Variants in PCNX1 observed in about 807,000 individuals in gnomAD.
The protein encoded by PCNX1 is pecanex-like protein 1.
Under a neutral mutation model 242.2 loss-of-function variants are expected in PCNX1, and 78 were observed. The ratio of observed to expected loss-of-function variants is 0.32; its 90% CI spans 0.27 to 0.39. The LOEUF is 0.39. PCNX1 is among the 10% of genes least tolerant of loss of function. PCNX1 has a pLI of 1.00. For synonymous variants in PCNX1, 1,024 were observed against 1,032.9 expected, an observed-to-expected ratio of 0.99 and a Z score of 0.17; for missense variants, 2,581 against 2,856.5, an observed-to-expected ratio of 0.90 and a Z score of 2.20.
At chr14:70,935,480 G>C (rs1484792642) in intron 1 of PCNX1, among the ~76,000 whole-genome samples, 1 of 152,190 alleles carries the variant, frequency 6.6e-6, no homozygotes, top group Non-Finnish European at 1.5e-5. Context: ...TATAATAGTA[G>C]GGGGAGAGAG....
rs752522469 is a variant in PCNX1 at position 70,978,026 on chromosome 14, C to T, written c.1689C>T (p.Arg563=). The T allele has an allele frequency of 8.7e-6, 14 of 1,613,842 alleles. No individual in the cohort carries two copies. The African/African-American group carries it at 1.2e-4, about 14-fold the overall frequency. The change falls in exon 6 of 36, where the codon CGC becomes CGT. Residue 563 remains arginine (R), a synonymous_variant. Transcript: ENST00000304743. ...TASAHKSGRR[R]TGKKRASSFD... ...CTGCCCACAAGTCAGGCAGGAGACG[C>T]ACAGGAAAAAAACGGGCTAGCAGTT...
intron 30 of PCNX1, among the ~76,000 whole-genome samples, chr14:71,097,537 AT>A (rs2062324853): frequency 6.6e-6 from 1 of 152,052 alleles, no homozygotes; most frequent in Admixed American, 6.5e-5. Context: ...GATTTCTTTG[AT>A]GATTCGTGTT....
intron 1 of PCNX1, among the ~76,000 whole-genome samples, chr14:70,926,353 CT>C (rs1361044081): frequency 6.6e-6 from 1 of 152,200 alleles, no homozygotes; most frequent in Non-Finnish European, 1.5e-5. Flanking sequence ...TCACCTGCTC[CT>C]TCACTCTCGC....
At chr14:71,076,526 C>A in intron 28 of PCNX1, 107 bp downstream of exon 28, 1 of 690,558 alleles carries the variant, frequency 1.4e-6, no homozygotes. Flanking sequence ...CTTCCTCTTT[C>A]TGATCTTCTG....
chr14:70,947,257 A>C, intron 2 of PCNX1, 134 bp downstream of exon 2: 1 of 657,860 alleles, frequency 1.5e-6, no homozygotes, highest in South Asian at 1.9e-5. Flanking sequence ...CTGTAGATAC[A>C]ATGATGGGTA....
At chr14:70,925,102 C>G (rs973319724) in intron 1 of PCNX1, among the ~76,000 whole-genome samples, 2 of 151,974 alleles carry the variant, frequency 1.3e-5, no homozygotes, top group Non-Finnish European at 2.9e-5. Context: ...GATTCTCCTG[C>G]CTCAGACTCC....
intron 1 of PCNX1, among the ~76,000 whole-genome samples, chr14:70,939,721 T>C (rs1031414577): frequency 1.3e-5 from 2 of 152,224 alleles, no homozygotes; most frequent in African/African-American, 4.8e-5. Context: ...TGTCTAATGT[T>C]GACAGTGGGG....
chr14:71,108,747 CG>C lies in PCNX1; in HGVS notation c.6447del (p.Arg2150AlafsTer23). 1.2e-6 allele frequency: 2 copies of C among 1,614,218 alleles called. No homozygotes were observed. The highest frequency in any genetic ancestry group is 1.7e-6 in the Non-Finnish European group (2 of 1,180,032). On this transcript the variant is annotated frameshift_variant, in exon 34 of 36. Transcript: ENST00000304743. LOFTEE classifies it high-confidence loss of function. The stretch of plus-strand genomic sequence containing the variant: ...GTCCACCACTGGGTTTGTGCCTTGT[CG>C]GCGCTCTTCTACTAGTCAGATATCG... ...RMSTTGFVPCRRSSTSQISLR... is the reference protein window; with the variant it reads ...RMSTTGFVPCXRSSTSQISLR...
chr14:71,065,869 GAGTCC>G (rs1381744797), intron 26 of PCNX1, among the ~76,000 whole-genome samples: 3 of 152,126 alleles, frequency 2.0e-5, no homozygotes, highest in Non-Finnish European at 4.4e-5. Flanking sequence ...ATTAAATAGG[GAGTCC>G]TTTCCCCATT....
intron 28 of PCNX1, among the ~76,000 whole-genome samples, chr14:71,079,387 A>AT (rs2061795313): frequency 6.6e-6 from 1 of 152,158 alleles, no homozygotes; most frequent in Non-Finnish European, 1.5e-5. Context: ...GTCAAATGGC[A>AT]TTTCTGGTTC....
intron 25 of PCNX1, among the ~76,000 whole-genome samples, chr14:71,055,895 G>A (rs2061170875): frequency 6.6e-6 from 1 of 152,150 alleles, no homozygotes; most frequent in South Asian, 2.1e-4. Flanking sequence ...ACTGACACAT[G>A]TTTTATTAGT....
rs767549741 is a variant in PCNX1 at position 71,051,916 on chromosome 14, C to T, written c.4481C>T (p.Ser1494Leu). ...ATGCTGTTTATTCAGGCTGCTGTCT[C>T]GGCCTTCTTCTCTACTCCACTGAAC... ...SAMLFIQAAV[S>L]AFFSTPLNPF... is the part of the protein sequence containing the mutation. The change falls in exon 24 of 36, where the codon TCG (serine) becomes TTG (leucine). Residue 1494 changes from serine to leucine, a missense_variant. Physicochemically the swap from Ser to Leu is moderately radical, Grantham distance 145. Transcript: ENST00000304743. 6.2e-7 allele frequency: 1 copy of T among 1,613,730 alleles called. No individual in the cohort carries two copies. Among genetic ancestry groups the T allele is most frequent in the Non-Finnish European group, 8.5e-7 (1 of 1,179,742 alleles).
intron 26 of PCNX1, among the ~76,000 whole-genome samples, chr14:71,061,920 GAAGAAA>G (rs1205580685): frequency 2.0e-5 from 3 of 152,196 alleles, no homozygotes; most frequent in African/African-American, 7.2e-5. Flanking sequence ...AACAGCTAGA[GAAGAAA>G]AAGAAGAAAC....
chr14:71,100,534 G>C (rs550320635), intron 30 of PCNX1, among the ~76,000 whole-genome samples: 3 of 152,034 alleles, frequency 2.0e-5, no homozygotes, highest in Admixed American at 6.5e-5. Context: ...TTTTTCTTTA[G>C]TGTTGACCTT....
At chr14:70,960,632 C>T (rs1439083457) in intron 2 of PCNX1, among the ~76,000 whole-genome samples, 2 of 151,918 alleles carry the variant, frequency 1.3e-5, no homozygotes, top group Non-Finnish European at 2.9e-5. Flanking sequence ...TCTCACCACT[C>T]CTATTCAACA....
At chr14:71,006,107 G>C (rs1214129345) in intron 8 of PCNX1, among the ~76,000 whole-genome samples, 1 of 1,030 alleles carries the variant, frequency 9.7e-4, no homozygotes, top group South Asian at 0.014. Context: ...GTGTGTCTGT[G>C]TGTGTGTGTG....
At position 71,115,223 on chromosome 14, in the gene PCNX1, AGTGT is replaced by A. The variant is rs1253058364; in HGVS notation, c.*5297_*5300del. The A allele has an allele frequency of 1.3e-5, 2 of 152,380 alleles. No individual in the cohort carries two copies. The highest frequency in any genetic ancestry group is 4.8e-5 in the African/African-American group (2 of 41,394). 9.4% of individuals were successfully genotyped at this position (152,380 alleles called of 1,614,324 possible). On this transcript the variant is annotated 3_prime_UTR_variant, in exon 36 of 36. Coordinates refer to ENST00000304743, the MANE Select transcript of PCNX1 (RefSeq NM_014982.3). ...ACATATGTACTTACGTGTGTCTGTG[AGTGT>A]GTGTGTGTCTGAGTGTTATTCTGAA...
In PCNX1 at chr14:70,962,781, A is replaced by G. The variant is rs189786212; in HGVS notation, c.468+450A>G. Among the ~76,000 whole-genome samples, 36 of 152,368 alleles carry G rather than the reference A, an allele frequency of 2.4e-4. 1 individual carries two copies. The highest frequency in any genetic ancestry group is 5.9e-4 in the Admixed American group (9 of 15,302). On this transcript the variant is annotated intron_variant, in intron 3 of 35. Coordinates refer to ENST00000304743, the MANE Select transcript of PCNX1 (RefSeq NM_014982.3). ...CTTTTATCAATTTTAATGTCTTTCT[A>G]CTATGTAACTTTTAAAATGGTAACT...
rs117175207 is a variant in PCNX1, at chr14:70,963,461, A to G, written c.468+1130A>G. Among the ~76,000 whole-genome samples, 1,369 of 152,314 alleles carry G rather than the reference A, an allele frequency of 9.0e-3. 10 individuals are homozygous for G. The highest frequency in any genetic ancestry group is 0.012 in the Non-Finnish European group (843 of 68,030). ...ATCAGACCTAGCTTCTCATTTAACA[A>G]ATGAGTAAATAGCAGATATAATTCT... On this transcript the variant is annotated intron_variant, in intron 3 of 35. Transcript: ENST00000304743.
Sources: gnomAD v4.1 joint callset for allele counts (sites outside exome capture counted in the v4.1 genomes callset) on GRCh38, gnomAD v4.1.1 for gene constraint, MANE v1.5 for transcripts, NCBI Gene and HGNC (gene_info 2026-07-23, HGNC 2026-07-21) for gene names.